The following DCC variants were observed in gnomAD, a reference collection of about 807,000 sequenced individuals.
DCC encodes the protein netrin receptor DCC.
In DCC, 58 loss-of-function variants were observed where a neutral mutation model predicts 172.5. That is an observed-to-expected ratio of 0.34 (90% CI 0.27 to 0.42). DCC has a LOEUF of 0.42. Ranked by LOEUF, DCC falls within the 10% of genes least tolerant of loss-of-function variation. The probability of loss-of-function intolerance (pLI) is 1.00; values close to 1 mark genes in which losing one functional copy is unlikely to be tolerated. For synonymous variants in DCC, 709 were observed against 644.5 expected, an observed-to-expected ratio of 1.10 and a Z score of -1.52; for missense variants, 1,740 against 1,791.0, an observed-to-expected ratio of 0.97 and a Z score of 0.51.
At position 53,193,282 on chromosome 18, in the gene DCC, C is replaced by T. The variant is rs187941059; in HGVS notation, c.1574-11934C>T. On this transcript the variant is annotated intron_variant, in intron 9 of 28. Transcript: ENST00000442544. ...GAATTTTTCTCACCTCATTTGGACT[C>T]CTCTCCTCCCTGCACCTTAGGGTCC... Among the ~76,000 whole-genome samples the T allele has an allele frequency of 5.3e-5, 8 of 152,112 alleles. No homozygotes were observed. In the East Asian group the frequency reaches 1.5e-3, roughly 29 times the overall value.
intron 1 of DCC, among the ~76,000 whole-genome samples, chr18:52,561,588 C>T (rs544253566): frequency 1.9e-3 from 282 of 152,242 alleles, no homozygotes; most frequent in Admixed American, 5.1e-3. Flanking sequence ...AATGTGGAAA[C>T]ACTAAGTGAA....
chr18:52,805,122 T>C (rs2038062849), intron 2 of DCC, among the ~76,000 whole-genome samples: 1 of 152,182 alleles, frequency 6.6e-6, no homozygotes, highest in South Asian at 2.1e-4. Flanking sequence ...TATTGCAAAG[T>C]TTACATGAAA....
chr18:52,994,543 T>A (rs570728751), intron 5 of DCC, among the ~76,000 whole-genome samples: 4 of 152,310 alleles, frequency 2.6e-5, no homozygotes, highest in African/African-American at 9.6e-5. Context: ...GTGTGTTATG[T>A]AAACATGGCC....
At chr18:52,855,920 C>A (rs1245867492) in intron 2 of DCC, among the ~76,000 whole-genome samples, 2 of 152,000 alleles carry the variant, frequency 1.3e-5, no homozygotes, top group African/African-American at 4.8e-5. Flanking sequence ...CACGTGCCAC[C>A]ATGCTCGGCT....
intron 2 of DCC, among the ~76,000 whole-genome samples, chr18:52,779,345 C>T (rs1259396051): frequency 6.6e-6 from 1 of 152,106 alleles, no homozygotes; most frequent in African/African-American, 2.4e-5. Context: ...TGACGTTCCC[C>T]TCCCTGTGTC....
At chr18:52,882,131 T>C (rs139512335) in intron 2 of DCC, among the ~76,000 whole-genome samples, 1 of 152,128 alleles carries the variant, frequency 6.6e-6, no homozygotes, top group Non-Finnish European at 1.5e-5. Flanking sequence ...ATGATTTGTA[T>C]GTTGATTTTA....
intron 1 of DCC, among the ~76,000 whole-genome samples, chr18:52,572,974 T>C (rs1245214142): frequency 6.6e-6 from 1 of 152,194 alleles, no homozygotes; most frequent in East Asian, 1.9e-4. Context: ...TAAAAGTGTT[T>C]AGTGTCTACT....
Position 52,992,412 on chromosome 18 carries a change from G to A in DCC, c.985+67042G>A, listed in dbSNP as rs145152551. Among the ~76,000 whole-genome samples, 134 of 152,298 alleles carry A rather than the reference G, an allele frequency of 8.8e-4. 1 individual carries two copies. Among genetic ancestry groups the A allele is most frequent in the Non-Finnish European group, 1.7e-3 (114 of 68,032 alleles). On this transcript the variant is annotated intron_variant, in intron 5 of 28. Coordinates refer to ENST00000442544, the MANE Select transcript of DCC (RefSeq NM_005215.4). Reference sequence around the variant, plus strand: ...TGCTCAAGCAGTTTCTGTAGAAACCGTTTTGGGGAGATGAACAGGTTTTAT... The same window carrying A: ...TGCTCAAGCAGTTTCTGTAGAAACCATTTTGGGGAGATGAACAGGTTTTAT...
chr18:52,416,333 A>G (rs534083390), intron 1 of DCC, among the ~76,000 whole-genome samples: 206 of 151,768 alleles, frequency 1.4e-3, no homozygotes, highest in African/African-American at 4.7e-3. Flanking sequence ...GTGGTGCTGA[A>G]AAAAATGTAT....
chr18:53,403,917 A>G (rs998929072), intron 19 of DCC, among the ~76,000 whole-genome samples: 2 of 152,226 alleles, frequency 1.3e-5, no homozygotes, highest in Non-Finnish European at 2.9e-5. Context: ...TGTTTTCTCT[A>G]GGAAATTGCT....
chr18:52,409,479 C>T (rs756683590), intron 1 of DCC, among the ~76,000 whole-genome samples: 7 of 152,120 alleles, frequency 4.6e-5, no homozygotes, highest in Admixed American at 1.3e-4. Context: ...CTAATACTTT[C>T]ACATTTATTA....
intron 5 of DCC, among the ~76,000 whole-genome samples, chr18:53,031,197 T>G (rs942032985): frequency 2.0e-5 from 3 of 152,160 alleles, no homozygotes; most frequent in African/African-American, 7.2e-5. Flanking sequence ...AGGCAGAGGT[T>G]GCAGTGAGCT....
At chr18:52,899,740 C>T (rs2039783643) in intron 2 of DCC, among the ~76,000 whole-genome samples, 1 of 152,022 alleles carries the variant, frequency 6.6e-6, no homozygotes, top group Non-Finnish European at 1.5e-5. Context: ...CAGTGATCCT[C>T]CCACCTTGGA....
At chr18:53,162,508 C>G (rs182475781) in intron 8 of DCC, among the ~76,000 whole-genome samples, 6 of 152,258 alleles carry the variant, frequency 3.9e-5, no homozygotes, top group Admixed American at 3.9e-4. Flanking sequence ...GACTGTTTTT[C>G]TCATTCACAG....
intron 2 of DCC, among the ~76,000 whole-genome samples, chr18:52,762,273 G>T (rs183404365): frequency 5.9e-5 from 9 of 152,052 alleles, no homozygotes; most frequent in African/African-American, 2.2e-4. Flanking sequence ...AGGAATTCAA[G>T]ATCAGCATGG....
chr18:52,803,196 A>G (rs576766329), intron 2 of DCC, among the ~76,000 whole-genome samples: 2 of 152,314 alleles, frequency 1.3e-5, no homozygotes, highest in South Asian at 4.1e-4. Flanking sequence ...GTGTTATTCA[A>G]GGTTTACAAT....
chr18:52,945,485 A>G (rs2040529436), intron 5 of DCC, among the ~76,000 whole-genome samples: 1 of 152,234 alleles, frequency 6.6e-6, no homozygotes, highest in South Asian at 2.1e-4. Flanking sequence ...AGATAACTAG[A>G]AGTTCATTTC....
intron 3 of DCC, among the ~76,000 whole-genome samples, chr18:52,907,352 T>C (rs28645804): frequency 0.41 from 59,195 of 145,058 alleles, 12,264 homozygotes; most frequent in Non-Finnish European, 0.47. Context: ...ATATATCATG[T>C]ATATATGAAT....
chr18:52,472,796 T>C (rs1988984736), intron 1 of DCC, among the ~76,000 whole-genome samples: 1 of 152,108 alleles, frequency 6.6e-6, no homozygotes, highest in African/African-American at 2.4e-5. Context: ...TCCCAGCTAC[T>C]TGGGAGTCTA....
Sources: allele counts gnomAD v4.1 joint callset (sites outside exome capture counted in the v4.1 genomes callset), GRCh38; gene constraint gnomAD v4.1.1; transcripts MANE v1.5; gene names NCBI Gene and HGNC (gene_info 2026-07-23, HGNC 2026-07-21).